Variants in IPO11 observed in about 807,000 individuals in gnomAD.
IPO11 encodes the protein importin 11.
Under a neutral mutation model 143.2 loss-of-function variants are expected in IPO11, and 66 were observed. That is an observed-to-expected ratio of 0.46 (90% CI 0.38 to 0.57). The LOEUF (loss-of-function observed/expected upper bound fraction) is 0.57, where lower values mean the gene tolerates loss of function less well. Ranked by LOEUF, IPO11 falls within the 20% of genes least tolerant of loss-of-function variation. The probability of loss-of-function intolerance (pLI) is 0.00; values close to 1 mark genes in which losing one functional copy is unlikely to be tolerated. For missense variants in IPO11, 1,026 were observed against 1,141.0 expected (o/e 0.90, Z 1.45); for synonymous variants, 385 against 377.8 (o/e 1.02, Z -0.22).
chr5:62,442,434 G>A (rs1744518826), intron 2 of IPO11, among the ~76,000 whole-genome samples: 1 of 152,178 alleles, frequency 6.6e-6, no homozygotes, highest in Admixed American at 6.5e-5. Context: ...CTCTACATGT[G>A]TGTTACTCAG....
chr5:62,506,871 G>C (rs1263789895), intron 19 of IPO11, among the ~76,000 whole-genome samples: 1 of 152,140 alleles, frequency 6.6e-6, no homozygotes, highest in Non-Finnish European at 1.5e-5. Flanking sequence ...AATTATCGTT[G>C]TGACTTCCTA....
At chr5:62,472,822 C>T (rs1286843364) in intron 7 of IPO11, among the ~76,000 whole-genome samples, 1 of 152,184 alleles carries the variant, frequency 6.6e-6, no homozygotes, top group Non-Finnish European at 1.5e-5. Context: ...AGCCACCACA[C>T]TTGGCTTAAA....
intron 21 of IPO11, 65 bp from the exon 22 acceptor site, chr5:62,530,644 A>C (rs1742512679): frequency 4.3e-6 from 4 of 923,076 alleles, no homozygotes; most frequent in Non-Finnish European, 7.0e-6. Flanking sequence ...TAAAATATTT[A>C]AGTCATATGT....
chr5:62,508,967 T>C (rs1196124329), intron 19 of IPO11, among the ~76,000 whole-genome samples: 1 of 152,182 alleles, frequency 6.6e-6, no homozygotes, highest in African/African-American at 2.4e-5. Flanking sequence ...TAAAGAAGGA[T>C]GAGTTCATGT....
intron 28 of IPO11, among the ~76,000 whole-genome samples, chr5:62,599,000 G>A (rs1336044819): frequency 6.6e-6 from 1 of 152,162 alleles, no homozygotes; most frequent in East Asian, 1.9e-4. Context: ...TTAACAAAGT[G>A]TGTGTCCCCC....
chr5:62,611,053 T>C lies in IPO11; in HGVS notation c.2763+9205T>C, dbSNP rs527680489. 4.6e-5 allele frequency among the ~76,000 whole-genome samples: 7 copies of C among 152,330 alleles called. No homozygotes were observed. In the South Asian group the frequency reaches 1.4e-3, roughly 32 times the overall value. ...TGCTGTTGATACATCCTTATTTTCA[T>C]TTCTAGATGATACACTGAAACATAC... On this transcript the variant is annotated intron_variant, in intron 29 of 29. Transcript: ENST00000325324.
chr5:62,434,196 C>G (rs1744089284), intron 1 of IPO11, among the ~76,000 whole-genome samples: 1 of 152,104 alleles, frequency 6.6e-6, no homozygotes, highest in South Asian at 2.1e-4. Context: ...CCTTCTGATC[C>G]TTGCATGGGT....
chr5:62,591,538 G>A, intron 27 of IPO11, 39 bp from the exon 28 acceptor site: 1 of 1,147,000 alleles, frequency 8.7e-7, no homozygotes, highest in Non-Finnish European at 1.3e-6. Flanking sequence ...AATTAATCTA[G>A]TATTCCAGTT....
chr5:62,500,255 C>T (rs1052173319), intron 16 of IPO11, among the ~76,000 whole-genome samples: 11 of 152,272 alleles, frequency 7.2e-5, no homozygotes, highest in African/African-American at 2.6e-4. Context: ...GCAGTTCCAG[C>T]CTGGGTGACA....
intron 1 of IPO11, chr5:62,418,982 T>C: frequency 6.5e-7 from 1 of 1,540,652 alleles, no homozygotes; most frequent in Non-Finnish European, 8.8e-7. Context: ...GGCAATTTTG[T>C]TGTTCTATGA....
chr5:62,496,088 G>A (rs530791030), intron 16 of IPO11, among the ~76,000 whole-genome samples: 4 of 152,208 alleles, frequency 2.6e-5, no homozygotes, highest in African/African-American at 4.8e-5. Context: ...AGGAGTTTGA[G>A]ACCAGCCTGG....
At chr5:62,561,886 T>G (rs925584736) in intron 27 of IPO11, 3 of 149,842 alleles carry the variant, frequency 2.0e-5, no homozygotes, top group African/African-American at 7.4e-5. Context: ...GTGTAGATTT[T>G]TTAAAGTGGT....
chr5:62,589,585 C>A (rs1013227290), intron 27 of IPO11, among the ~76,000 whole-genome samples: 1 of 152,140 alleles, frequency 6.6e-6, no homozygotes, highest in African/African-American at 2.4e-5. Context: ...CCATGTCCAC[C>A]AAACCATTTC....
chr5:62,526,870 A>G (rs571118183), intron 21 of IPO11: 158 of 152,350 alleles, frequency 1.0e-3, no homozygotes, highest in African/African-American at 3.6e-3. Flanking sequence ...TAATACATGA[A>G]AAGTTTCAAA....
rs959886018 is a variant in IPO11, at chr5:62,532,350, C to CGTTT, written c.2089+1586_2089+1589dup. Among the ~76,000 whole-genome samples the CGTTT allele has an allele frequency of 2.0e-3, 305 of 151,648 alleles. 2 individuals are homozygous for CGTTT. Among genetic ancestry groups the CGTTT allele is most frequent in the East Asian group, 6.6e-3 (34 of 5,140 alleles). On this transcript the variant is annotated intron_variant, in intron 22 of 29. Transcript: ENST00000325324. Reference sequence around the variant, plus strand: ...GTGGTTTTTTTTGTTGGTGGTGGTTCGTTTGTTTGTTTGTTTGTTTGTTTT... The same window carrying CGTTT: ...GTGGTTTTTTTTGTTGGTGGTGGTTCGTTTGTTTGTTTGTTTGTTTGTTTGTTTT...
intron 5 of IPO11, among the ~76,000 whole-genome samples, chr5:62,465,887 A>T (rs1745556493): frequency 6.6e-6 from 1 of 152,250 alleles, no homozygotes; most frequent in Non-Finnish European, 1.5e-5. Context: ...AATGGCACAG[A>T]AACAATAGGA....
At chr5:62,458,944 G>T (rs142843464) in intron 5 of IPO11, among the ~76,000 whole-genome samples, 1 of 152,250 alleles carries the variant, frequency 6.6e-6, no homozygotes, top group Admixed American at 6.5e-5. Flanking sequence ...TCTAAAAGTT[G>T]CTTTTGAAAC....
intron 1 of IPO11, among the ~76,000 whole-genome samples, chr5:62,422,056 C>T (rs2112098109): frequency 6.6e-6 from 1 of 152,336 alleles, no homozygotes; most frequent in Non-Finnish European, 1.5e-5. Flanking sequence ...GTTGTTATCT[C>T]TATTCAGTGC....
At chr5:62,513,990 G>A (rs1358542548) in intron 19 of IPO11, among the ~76,000 whole-genome samples, 4 of 151,018 alleles carry the variant, frequency 2.6e-5, no homozygotes, top group Admixed American at 6.6e-5. Context: ...CATCTCAGAC[G>A]ATGGGCTGCC....
Sources: gnomAD v4.1 joint callset for allele counts (sites outside exome capture counted in the v4.1 genomes callset) on GRCh38, gnomAD v4.1.1 for gene constraint, MANE v1.5 for transcripts, NCBI Gene and HGNC (gene_info 2026-07-23, HGNC 2026-07-21) for gene names.